FARS2: variants seen among roughly 807,000 people sequenced by gnomAD.
The protein encoded by FARS2 is phenylalanyl-tRNA synthetase 2, mitochondrial.
In FARS2, 40 loss-of-function variants were observed where a neutral mutation model predicts 46.4. That is an observed-to-expected ratio of 0.86 (90% CI 0.67 to 1.12). The LOEUF (loss-of-function observed/expected upper bound fraction) is 1.12, where lower values mean the gene tolerates loss of function less well. FARS2 is among the 50% of genes most tolerant of loss of function. The probability of loss-of-function intolerance (pLI) is 0.00; values close to 1 mark genes in which losing one functional copy is unlikely to be tolerated. For missense variants in FARS2, 513 were observed against 567.9 expected (o/e 0.90, Z 0.98); for synonymous variants, 234 against 214.9 (o/e 1.09, Z -0.78).
chr6:5,750,618 G>T (rs994342372), intron 6 of FARS2, among the ~76,000 whole-genome samples: 4 of 152,140 alleles, frequency 2.6e-5, no homozygotes, highest in Non-Finnish European at 5.9e-5. Flanking sequence ...GGTAGACAAG[G>T]CCCCTGAAAA....
At chr6:5,517,842 T>A (rs1561679607) in intron 4 of FARS2, among the ~76,000 whole-genome samples, 1 of 152,184 alleles carries the variant, frequency 6.6e-6, no homozygotes. Flanking sequence ...TTTAAAAAAT[T>A]TCCTATTCAA....
intron 3 of FARS2, among the ~76,000 whole-genome samples, chr6:5,409,240 G>T (rs138062643): frequency 3.3e-5 from 5 of 152,066 alleles, no homozygotes; most frequent in African/African-American, 9.7e-5. Context: ...CATGAGGTCA[G>T]GAGATCAAGA....
At chr6:5,330,325 C>G (rs1446757692) in intron 1 of FARS2, among the ~76,000 whole-genome samples, 1 of 152,092 alleles carries the variant, frequency 6.6e-6, no homozygotes, top group African/African-American at 2.4e-5. Context: ...TGTGATTTCC[C>G]TTTCTTTGAA....
rs146225935 is a variant in FARS2 at position 5,492,382 on chromosome 6, G to A, written c.905-52798G>A. Among the ~76,000 whole-genome samples, 106 of 152,238 alleles carry A rather than the reference G, an allele frequency of 7.0e-4. 2 individuals are homozygous for A. In the East Asian group the frequency reaches 0.015, roughly 22 times the overall value. On this transcript the variant is annotated intron_variant, in intron 4 of 6. Coordinates refer to ENST00000274680, the MANE Select transcript of FARS2 (RefSeq NM_006567.5). Reference sequence around the variant, plus strand: ...TGATTTATTAAGATAGTGTATATTCGACTTTTCTAGCTCAAGAGATGAGTT... The same window carrying A: ...TGATTTATTAAGATAGTGTATATTCAACTTTTCTAGCTCAAGAGATGAGTT...
At chr6:5,389,540 T>C (rs934158854) in intron 2 of FARS2, among the ~76,000 whole-genome samples, 4 of 152,204 alleles carry the variant, frequency 2.6e-5, no homozygotes, top group Admixed American at 1.3e-4. Flanking sequence ...CGTTTGGTAT[T>C]GTGCAGAGCA....
At chr6:5,627,355 A>G (rs572508269) in intron 6 of FARS2, among the ~76,000 whole-genome samples, 1 of 152,258 alleles carries the variant, frequency 6.6e-6, no homozygotes, top group Admixed American at 6.5e-5. Flanking sequence ...TAACAGTAGT[A>G]AGATGAAGAA....
chr6:5,617,324 T>C (rs1775530405), intron 6 of FARS2, among the ~76,000 whole-genome samples: 1 of 152,238 alleles, frequency 6.6e-6, no homozygotes, highest in East Asian at 1.9e-4. Flanking sequence ...TGAATACATA[T>C]TGTACAGATA....
intron 5 of FARS2, among the ~76,000 whole-genome samples, chr6:5,560,201 G>C (rs7745266): frequency 0.27 from 40,506 of 151,982 alleles, 6,314 homozygotes; most frequent in East Asian, 0.52. Context: ...AGTGCTTCTT[G>C]TAAGTTTTTT....
intron 6 of FARS2, among the ~76,000 whole-genome samples, chr6:5,756,451 A>C (rs1762208292): frequency 6.6e-6 from 1 of 152,232 alleles, no homozygotes; most frequent in Non-Finnish European, 1.5e-5. Context: ...GAAAACTTAC[A>C]ATCATGGTGA....
chr6:5,323,031 C>T (rs905093883), intron 1 of FARS2, among the ~76,000 whole-genome samples: 2 of 152,116 alleles, frequency 1.3e-5, no homozygotes, highest in East Asian at 3.9e-4. Flanking sequence ...GCAACTAATG[C>T]ATTATTACTT....
chr6:5,356,886 TA>T (rs1269939847), intron 1 of FARS2, among the ~76,000 whole-genome samples: 2 of 152,172 alleles, frequency 1.3e-5, no homozygotes, highest in Non-Finnish European at 2.9e-5. Context: ...TGATTTTGTG[TA>T]TTGCTAATCC....
intron 4 of FARS2, among the ~76,000 whole-genome samples, chr6:5,437,923 G>A (rs922627411): frequency 6.6e-6 from 1 of 151,916 alleles, no homozygotes; most frequent in East Asian, 1.9e-4. Flanking sequence ...ACTTTCCTTA[G>A]CATTTTTTAT....
At chr6:5,518,166 G>A (rs1270032353) in intron 4 of FARS2, among the ~76,000 whole-genome samples, 1 of 152,214 alleles carries the variant, frequency 6.6e-6, no homozygotes, top group African/African-American at 2.4e-5. Context: ...GGCTGTTGTT[G>A]CTGCATCCAG....
intron 6 of FARS2, among the ~76,000 whole-genome samples, chr6:5,758,757 C>T (rs533083755): frequency 2.0e-5 from 3 of 152,196 alleles, no homozygotes; most frequent in Non-Finnish European, 4.4e-5. Context: ...AAGCTTCGCT[C>T]TCTCCTATTG....
intron 5 of FARS2, among the ~76,000 whole-genome samples, chr6:5,585,949 G>T (rs1409085018): frequency 2.6e-5 from 4 of 152,028 alleles, no homozygotes; most frequent in Admixed American, 1.3e-4. Flanking sequence ...TAGATCATAT[G>T]GTAGTTCTGT....
chr6:5,357,301 T>C (rs1186069866), intron 1 of FARS2, among the ~76,000 whole-genome samples: 1 of 152,230 alleles, frequency 6.6e-6, no homozygotes, highest in Non-Finnish European at 1.5e-5. Context: ...ATAACATAAA[T>C]GTTCATAATG....
At chr6:5,719,477 AAAG>A in intron 6 of FARS2, among the ~76,000 whole-genome samples, 1 of 145,856 alleles carries the variant, frequency 6.9e-6, no homozygotes, top group South Asian at 2.2e-4. Flanking sequence ...AGAAAAGAAA[AAAG>A]AGCTGCCTGC....
intron 6 of FARS2, among the ~76,000 whole-genome samples, chr6:5,719,412 G>A (rs77414384): frequency 1.0e-4 from 6 of 59,124 alleles, no homozygotes; most frequent in African/African-American, 1.9e-4. Context: ...AAAAAAAAAA[G>A]GAAGAAGAAA....
rs115543733 is a variant in FARS2 at position 5,322,469 on chromosome 6, A to C, written c.-21-46081A>C. ...TGTTCTCATTGAGTAGTTTTTTTTTAACCAGAATGAAGGCAGATTGTTTCC... is the reference window on the plus strand; with the variant it reads ...TGTTCTCATTGAGTAGTTTTTTTTTCACCAGAATGAAGGCAGATTGTTTCC... On this transcript the variant is annotated intron_variant, in intron 1 of 6. Coordinates refer to ENST00000274680, the MANE Select transcript of FARS2 (RefSeq NM_006567.5). Among the ~76,000 whole-genome samples, 660 of 152,240 alleles carry C rather than the reference A, an allele frequency of 4.3e-3. 2 individuals carry two copies. Among genetic ancestry groups the C allele is most frequent in the African/African-American group, 0.015 (625 of 41,552 alleles).
Sources: gnomAD v4.1 joint callset for allele counts (sites outside exome capture counted in the v4.1 genomes callset) on GRCh38, gnomAD v4.1.1 for gene constraint, MANE v1.5 for transcripts, NCBI Gene and HGNC (gene_info 2026-07-23, HGNC 2026-07-21) for gene names.